FIGN: variants seen among roughly 807,000 people sequenced by gnomAD.
FIGN encodes fidgetin.
A neutral mutation model predicts 51.3 loss-of-function variants in FIGN; 11 were observed. The ratio of observed to expected loss-of-function variants is 0.21; its 90% CI spans 0.13 to 0.35. The LOEUF is 0.35. FIGN is among the 10% of genes least tolerant of loss of function. FIGN has a pLI of 1.00. For missense variants in FIGN, 857 were observed against 943.6 expected (o/e 0.91, Z 1.20); for synonymous variants, 407 against 363.2 (o/e 1.12, Z -1.37).
chr2:163,700,083 C>T (rs1684385040), intron 2 of FIGN, among the ~76,000 whole-genome samples: 1 of 152,078 alleles, frequency 6.6e-6, no homozygotes, highest in South Asian at 2.1e-4. Flanking sequence ...AGAACCCCTC[C>T]TGAAACAGAT....
chr2:163,707,939 T>C (rs1001845220), intron 2 of FIGN, among the ~76,000 whole-genome samples: 1 of 152,184 alleles, frequency 6.6e-6, no homozygotes, highest in Admixed American at 6.5e-5. Context: ...TTTAAGATTG[T>C]TTACATAACT....
intron 2 of FIGN, among the ~76,000 whole-genome samples, chr2:163,694,303 A>G (rs1021422133): frequency 6.6e-6 from 1 of 152,210 alleles, no homozygotes; most frequent in African/African-American, 2.4e-5. Flanking sequence ...TGCTCTATGG[A>G]ACACTGGATT....
At chr2:163,690,756 T>G (rs1017967685) in intron 2 of FIGN, among the ~76,000 whole-genome samples, 3 of 152,196 alleles carry the variant, frequency 2.0e-5, no homozygotes, top group Admixed American at 6.6e-5. Flanking sequence ...GTGGCACATT[T>G]TAAAGAGATG....
intron 2 of FIGN, among the ~76,000 whole-genome samples, chr2:163,708,027 G>C (rs1020784451): frequency 6.6e-6 from 1 of 152,060 alleles, no homozygotes; most frequent in Non-Finnish European, 1.5e-5. Context: ...CATTTTAAAA[G>C]AAGTTTCTGT....
At chr2:163,660,798 G>T (rs13028086) in intron 2 of FIGN, among the ~76,000 whole-genome samples, 7 of 12,806 alleles carry the variant, frequency 5.5e-4, no homozygotes, top group South Asian at 3.1e-3. Context: ...TATGTATATA[G>T]ATATACATAT....
chr2:163,605,638 ATTTATATATATATATTAGAAC>A lies in FIGN; in HGVS notation c.*3893_*3913del, dbSNP rs1288738726. 1 of 151,408 alleles carries A rather than the reference ATTTATATATATATATTAGAAC, an allele frequency of 6.6e-6. No homozygotes were observed. The highest frequency in any genetic ancestry group is 2.4e-5 in the African/African-American group (1 of 41,130). The allele number at this position is 151,408 out of a possible 1,614,324, so 9.4% of individuals were successfully genotyped here. A position where few individuals can be genotyped will look rare whatever the true frequency, so the allele number is the denominator to read the frequency against. On this transcript the variant is annotated 3_prime_UTR_variant, in exon 3 of 3. Transcript: ENST00000333129. ...ATACAAACACACACACTAATTTTAT[ATTTATATATATATATTAGAAC>A]TTTACTTTAGTGGCCTCAATAGTTC...
At chr2:163,618,610 CA>C (rs951665664) in intron 2 of FIGN, among the ~76,000 whole-genome samples, 59 of 146,122 alleles carry the variant, frequency 4.0e-4, no homozygotes, top group Middle Eastern at 3.6e-3. Context: ...AGATCCGTCT[CA>C]AAAAAAAAAA....
intron 2 of FIGN, among the ~76,000 whole-genome samples, chr2:163,716,340 T>TG (rs1246500501): frequency 1.3e-5 from 2 of 152,172 alleles, no homozygotes; most frequent in Non-Finnish European, 2.9e-5. Context: ...TGCTTACATA[T>TG]GCACATTGGC....
chr2:163,695,567 A>C (rs937325237), intron 2 of FIGN, among the ~76,000 whole-genome samples: 4 of 152,180 alleles, frequency 2.6e-5, no homozygotes, highest in African/African-American at 9.7e-5. Context: ...GTAACCATAA[A>C]ATTTGTTGTC....
chr2:163,668,016 C>CCCCG (rs1559015017), intron 2 of FIGN, among the ~76,000 whole-genome samples: 1 of 126,290 alleles, frequency 7.9e-6, no homozygotes, highest in Non-Finnish European at 1.8e-5. Flanking sequence ...TACCTCCAAC[C>CCCCG]CCCCCCCCCA....
At chr2:163,612,488 C>G (rs1210245891) in intron 2 of FIGN, 1 of 985,230 alleles carries the variant, frequency 1.0e-6, no homozygotes, top group Non-Finnish European at 1.2e-6. Context: ...AAAGCAATCT[C>G]CCAGGCAGCG....
At chr2:163,668,376 G>C (rs1252582331) in intron 2 of FIGN, among the ~76,000 whole-genome samples, 4 of 152,138 alleles carry the variant, frequency 2.6e-5, no homozygotes, top group African/African-American at 9.7e-5. Flanking sequence ...CCCAAACTAA[G>C]AGAAGAAACT....
intron 2 of FIGN, among the ~76,000 whole-genome samples, chr2:163,657,233 G>T (rs1212918708): frequency 6.6e-6 from 1 of 151,968 alleles, no homozygotes; most frequent in Non-Finnish European, 1.5e-5. Context: ...GTACTAATTT[G>T]ATGTCAAGTC....
At chr2:163,636,349 G>A (rs1015344820) in intron 2 of FIGN, among the ~76,000 whole-genome samples, 1 of 152,122 alleles carries the variant, frequency 6.6e-6, no homozygotes, top group South Asian at 2.1e-4. Flanking sequence ...GCAACGGTGC[G>A]ATCTTGGCTC....
intron 2 of FIGN, among the ~76,000 whole-genome samples, chr2:163,614,229 G>T (rs1682827551): frequency 6.6e-6 from 1 of 151,954 alleles, no homozygotes; most frequent in African/African-American, 2.4e-5. Context: ...CCGCAAAATG[G>T]GTGAAATGAC....
chr2:163,657,359 A>T (rs150873425), intron 2 of FIGN, among the ~76,000 whole-genome samples: 166 of 152,314 alleles, frequency 1.1e-3, no homozygotes, highest in African/African-American at 3.9e-3. Flanking sequence ...CTCTAATGGT[A>T]CATGACTAGC....
At chr2:163,656,177 C>A (rs964601525) in intron 2 of FIGN, among the ~76,000 whole-genome samples, 6 of 152,028 alleles carry the variant, frequency 3.9e-5, no homozygotes, top group African/African-American at 1.5e-4. Flanking sequence ...TAACACTAAC[C>A]CCTAGTTGCT....
At chr2:163,696,436 AC>A (rs951332519) in intron 2 of FIGN, among the ~76,000 whole-genome samples, 3 of 152,112 alleles carry the variant, frequency 2.0e-5, no homozygotes, top group Admixed American at 1.3e-4. Flanking sequence ...TTTACTTATC[AC>A]TTAAGGCCCA....
At chr2:163,723,241 G>C (rs545552768) in intron 2 of FIGN, among the ~76,000 whole-genome samples, 20 of 152,052 alleles carry the variant, frequency 1.3e-4, no homozygotes, top group Non-Finnish European at 2.4e-4. Flanking sequence ...TATTAACCAA[G>C]TGATAGTTTC....
Sources: allele counts gnomAD v4.1 joint callset (sites outside exome capture counted in the v4.1 genomes callset), GRCh38; gene constraint gnomAD v4.1.1; transcripts MANE v1.5; gene names NCBI Gene and HGNC (gene_info 2026-07-23, HGNC 2026-07-21).